FAM135B: variants seen among roughly 807,000 people sequenced by gnomAD.
FAM135B encodes the protein protein FAM135B.
Under a neutral mutation model 127.7 loss-of-function variants are expected in FAM135B, and 43 were observed. That is an observed-to-expected ratio of 0.34 (90% CI 0.26 to 0.43). FAM135B has a LOEUF of 0.43. FAM135B is among the 20% of genes least tolerant of loss of function. The pLI is 1.00. For missense variants in FAM135B, 1,558 were observed against 1,725.6 expected (o/e 0.90, Z 1.72); for synonymous variants, 670 against 665.1 (o/e 1.01, Z -0.11).
chr8:138,321,970 A>G (rs1827481499), intron 2 of FAM135B, among the ~76,000 whole-genome samples: 1 of 152,154 alleles, frequency 6.6e-6, no homozygotes, highest in Non-Finnish European at 1.5e-5. Context: ...GGAAAGTGTG[A>G]GCATGACTCT....
intron 1 of FAM135B, among the ~76,000 whole-genome samples, chr8:138,452,016 C>T (rs1836513076): frequency 6.7e-6 from 1 of 148,336 alleles, no homozygotes; most frequent in South Asian, 2.2e-4. Context: ...TAAATGCAGA[C>T]AAAATACACT....
At chr8:138,317,134 A>G (rs1396198005) in intron 2 of FAM135B, among the ~76,000 whole-genome samples, 1 of 152,228 alleles carries the variant, frequency 6.6e-6, no homozygotes, top group Non-Finnish European at 1.5e-5. Flanking sequence ...GAAACAACCC[A>G]GATGTCCTTT....
intron 1 of FAM135B, among the ~76,000 whole-genome samples, chr8:138,433,523 CAATAAATAAATAAATAAATAAATA>C (rs144218276): frequency 1.4e-5 from 2 of 140,686 alleles, no homozygotes; most frequent in Non-Finnish European, 1.5e-5. Context: ...GATTCTGTCT[CAATAAATAAATAAATAAATAAATA>C]AATAAATAAA....
intron 2 of FAM135B, among the ~76,000 whole-genome samples, chr8:138,343,054 ATTCAT>A (rs1244827211): frequency 3.9e-5 from 6 of 152,226 alleles, no homozygotes; most frequent in South Asian, 4.1e-4. Context: ...TAAAATACGC[ATTCAT>A]TTATTTATTT....
chr8:138,369,327 T>G (rs1432263520), intron 1 of FAM135B, among the ~76,000 whole-genome samples: 5 of 152,154 alleles, frequency 3.3e-5, no homozygotes, highest in African/African-American at 1.2e-4. Context: ...CCCCTCTTAC[T>G]GCCCCCAGAT....
At chr8:138,448,070 G>C (rs1325997618) in intron 1 of FAM135B, among the ~76,000 whole-genome samples, 1 of 149,308 alleles carries the variant, frequency 6.7e-6, no homozygotes, top group Non-Finnish European at 1.5e-5. Flanking sequence ...AGAAAGCAGA[G>C]AAGTCATATG....
intron 1 of FAM135B, among the ~76,000 whole-genome samples, chr8:138,486,060 G>C (rs943800430): frequency 2.0e-5 from 3 of 151,966 alleles, no homozygotes; most frequent in African/African-American, 7.2e-5. Context: ...AATGATCAGT[G>C]AGTGGAGAGT....
intron 1 of FAM135B, among the ~76,000 whole-genome samples, chr8:138,436,619 G>A (rs1461618067): frequency 6.6e-6 from 1 of 152,180 alleles, no homozygotes; most frequent in African/African-American, 2.4e-5. Context: ...ACGTTGAACA[G>A]AAAATCTTTA....
intron 1 of FAM135B, among the ~76,000 whole-genome samples, chr8:138,432,689 T>G (rs1351825366): frequency 6.6e-6 from 1 of 152,080 alleles, no homozygotes; most frequent in African/African-American, 2.4e-5. Flanking sequence ...GTAGATATTT[T>G]GCTCTTTCAT....
At chr8:138,496,069 C>T (rs1445181255) in intron 1 of FAM135B, among the ~76,000 whole-genome samples, 1 of 152,156 alleles carries the variant, frequency 6.6e-6, no homozygotes, top group South Asian at 2.1e-4. Context: ...TAATAGTCAA[C>T]GGCAATAACA....
intron 9 of FAM135B, among the ~76,000 whole-genome samples, chr8:138,185,371 C>A (rs1815453254): frequency 6.6e-6 from 1 of 152,134 alleles, no homozygotes; most frequent in Admixed American, 6.5e-5. Flanking sequence ...GAGATCAGCT[C>A]CTTCACAGCA....
At chr8:138,246,285 T>C (rs1398866749) in intron 6 of FAM135B, among the ~76,000 whole-genome samples, 1 of 152,194 alleles carries the variant, frequency 6.6e-6, no homozygotes, top group Non-Finnish European at 1.5e-5. Context: ...CTCTAGGGCA[T>C]GTCAGAGACC....
intron 3 of FAM135B, among the ~76,000 whole-genome samples, chr8:138,278,553 ATTTTTT>A (rs557719866): frequency 1.4e-3 from 87 of 60,530 alleles, no homozygotes; most frequent in East Asian, 5.9e-3. Context: ...TAAGAACATG[ATTTTTT>A]TTTTTTTTTT....
Position 138,166,560 on chromosome 8 carries a change from T to C in FAM135B, c.1258+1335A>G, listed in dbSNP as rs76968630. ...CTGACCTATAACACAATTAAAAGGA[T>C]GTATAACAGAACCAGTTTTACCATA... On this transcript the variant is annotated intron_variant, in intron 12 of 19. Transcript: ENST00000395297. Among the ~76,000 whole-genome samples the C allele has an allele frequency of 9.3e-4, 142 of 152,318 alleles. 3 individuals are homozygous for C. In the East Asian group the frequency reaches 0.022, roughly 24 times the overall value.
At chr8:138,139,581 T>G (rs934423082) in intron 17 of FAM135B, among the ~76,000 whole-genome samples, 2 of 152,116 alleles carry the variant, frequency 1.3e-5, no homozygotes, top group Admixed American at 1.3e-4. Context: ...GAGACCAGCC[T>G]GGATAAAATG....
chr8:138,207,462 G>A (rs1297679332), intron 7 of FAM135B, among the ~76,000 whole-genome samples: 6 of 151,732 alleles, frequency 4.0e-5, no homozygotes, highest in Admixed American at 2.0e-4. Context: ...TGCCCACCTT[G>A]GCCTCCCAAA....
chr8:138,344,698 C>T (rs887780908), intron 2 of FAM135B, among the ~76,000 whole-genome samples: 1 of 151,646 alleles, frequency 6.6e-6, no homozygotes, highest in Non-Finnish European at 1.5e-5. Context: ...GCCTCAGCCT[C>T]CCGAATAGCT....
chr8:138,417,722 C>T (rs1368777813), intron 1 of FAM135B, among the ~76,000 whole-genome samples: 1 of 152,102 alleles, frequency 6.6e-6, no homozygotes, highest in Non-Finnish European at 1.5e-5. Flanking sequence ...AAGCCTTGGA[C>T]CCCTGAAATC....
chr8:138,274,687 G>A (rs114201610), intron 3 of FAM135B, among the ~76,000 whole-genome samples: 1 of 152,062 alleles, frequency 6.6e-6, no homozygotes, highest in Non-Finnish European at 1.5e-5. Context: ...ACGCCCAGGG[G>A]AGCCAGTTCA....
Sources: gnomAD v4.1 joint callset for allele counts (sites outside exome capture counted in the v4.1 genomes callset) on GRCh38, gnomAD v4.1.1 for gene constraint, MANE v1.5 for transcripts, NCBI Gene and HGNC (gene_info 2026-07-23, HGNC 2026-07-21) for gene names.